TRHDE: variants seen among roughly 807,000 people sequenced by gnomAD.
The protein encoded by TRHDE is thyrotropin releasing hormone degrading enzyme.
Under a neutral mutation model 125.7 loss-of-function variants are expected in TRHDE, and 72 were observed. The observed-to-expected ratio is 0.57, with a 90% CI of 0.47 to 0.70. TRHDE has a LOEUF of 0.70. Among genes scored for constraint, TRHDE ranks in the 30% least tolerant of loss-of-function variants. The pLI is 0.00. For synonymous variants in TRHDE, 509 were observed against 509.1 expected (o/e 1.00, Z 0.00); for missense variants, 1,110 against 1,327.1 (o/e 0.84, Z 2.54).
At chr12:72,314,164 C>T (rs1156796639) in intron 2 of TRHDE, among the ~76,000 whole-genome samples, 1 of 152,136 alleles carries the variant, frequency 6.6e-6, no homozygotes. Flanking sequence ...CAGTTCTTGA[C>T]AAAAATATCT....
chr12:72,439,665 A>C (rs915662014), intron 3 of TRHDE, among the ~76,000 whole-genome samples: 22 of 151,828 alleles, frequency 1.4e-4, no homozygotes, highest in Admixed American at 1.3e-3. Context: ...AGGGCTTTCT[A>C]TATATATGAT....
At chr12:72,266,168 C>G (rs1178130341) in intron 2 of TRHDE, among the ~76,000 whole-genome samples, 4 of 151,882 alleles carry the variant, frequency 2.6e-5, no homozygotes, top group Non-Finnish European at 5.9e-5. Flanking sequence ...GACAGAAAAA[C>G]ATATATGGAC....
chr12:72,331,564 G>A (rs528129625), intron 2 of TRHDE, among the ~76,000 whole-genome samples: 1 of 152,286 alleles, frequency 6.6e-6, no homozygotes, highest in South Asian at 2.1e-4. Flanking sequence ...AGACCTCCTG[G>A]GAAGGGTGGC....
chr12:72,349,551 T>A (rs12305161), intron 2 of TRHDE, among the ~76,000 whole-genome samples: 1 of 151,546 alleles, frequency 6.6e-6, no homozygotes, highest in Admixed American at 6.6e-5. Flanking sequence ...TGCCTTTTTT[T>A]GGGCGGGGGG....
At chr12:72,437,027 C>G (rs1162793016) in intron 3 of TRHDE, among the ~76,000 whole-genome samples, 1 of 151,716 alleles carries the variant, frequency 6.6e-6, no homozygotes, top group Admixed American at 6.6e-5. Context: ...TCTATATCCC[C>G]TTATATTTGA....
chr12:72,235,250 T>C (rs1320163427), intron 2 of TRHDE, among the ~76,000 whole-genome samples: 4 of 152,184 alleles, frequency 2.6e-5, no homozygotes, highest in Non-Finnish European at 4.4e-5. Flanking sequence ...TGAGGTTTAT[T>C]TTATTGATCC....
chr12:72,384,977 G>T (rs78001711), intron 3 of TRHDE, among the ~76,000 whole-genome samples: 3,427 of 152,056 alleles, frequency 0.023, 124 homozygotes, highest in African/African-American at 0.078. Flanking sequence ...AATTTGAGGT[G>T]ACACTTATGT....
chr12:72,115,211 C>G (rs954047681), intron 2 of TRHDE, among the ~76,000 whole-genome samples: 17 of 149,608 alleles, frequency 1.1e-4, no homozygotes, highest in African/African-American at 3.7e-4. Context: ...GTAACCCTTA[C>G]CATTCCTTCT....
At chr12:72,619,129 T>C in intron 13 of TRHDE, 91 bp downstream of exon 13, 1 of 1,001,638 alleles carries the variant, frequency 1.0e-6, no homozygotes, top group Non-Finnish European at 1.4e-6. Context: ...TGCCAAGTTA[T>C]TTTAGTTTGT....
At chr12:72,379,291 A>T (rs988378936) in intron 3 of TRHDE, among the ~76,000 whole-genome samples, 4 of 152,222 alleles carry the variant, frequency 2.6e-5, no homozygotes, top group African/African-American at 9.6e-5. Flanking sequence ...CAAAATTCTG[A>T]AATCTTTTTG....
At chr12:72,376,938 AAT>A (rs1254212811) in intron 2 of TRHDE, among the ~76,000 whole-genome samples, 5 of 152,064 alleles carry the variant, frequency 3.3e-5, no homozygotes, top group African/African-American at 1.2e-4. Context: ...GATTGGAAGT[AAT>A]ATGTTTTAGA....
intron 2 of TRHDE, among the ~76,000 whole-genome samples, chr12:72,327,999 C>T (rs140664519): frequency 4.5e-4 from 68 of 152,268 alleles, no homozygotes; most frequent in East Asian, 1.9e-4. Flanking sequence ...CTAATTAACA[C>T]CAGTCACTTG....
intron 2 of TRHDE, chr12:72,257,715 C>T (rs914363432): frequency 9.9e-5 from 15 of 152,116 alleles, no homozygotes; most frequent in African/African-American, 3.4e-4. Context: ...GAATTTAGAT[C>T]TTCTAAAGTT....
intron 7 of TRHDE, among the ~76,000 whole-genome samples, chr12:72,556,653 G>C (rs1592533696): frequency 6.6e-6 from 1 of 152,204 alleles, no homozygotes; most frequent in Non-Finnish European, 1.5e-5. Flanking sequence ...GGGAGGCAGA[G>C]ATTTTGCCTT....
At chr12:72,153,941 TG>T (rs1876435106) in intron 2 of TRHDE, among the ~76,000 whole-genome samples, 2 of 152,200 alleles carry the variant, frequency 1.3e-5, no homozygotes, top group Admixed American at 6.5e-5. Flanking sequence ...GTTCAGTTCC[TG>T]GATATCCTTG....
chr12:72,576,334 G>A lies in TRHDE; in HGVS notation c.2321+792G>A, dbSNP rs1452457338. ...TCTTCTAAGATAATCAGGGGAAACT[G>A]GTTAGTTAGTAGTGCTGATATTAAC... On this transcript the variant is annotated intron_variant, in intron 12 of 18. Coordinates refer to ENST00000261180, the MANE Select transcript of TRHDE (RefSeq NM_013381.3). Among the ~76,000 whole-genome samples, 3 of 152,038 alleles carry A rather than the reference G, an allele frequency of 2.0e-5. No homozygotes were observed. The East Asian group carries it at 5.8e-4, about 29-fold the overall frequency.
At chr12:72,601,930 A>G (rs1409889150) in intron 12 of TRHDE, among the ~76,000 whole-genome samples, 10 of 152,140 alleles carry the variant, frequency 6.6e-5, no homozygotes, top group Admixed American at 5.9e-4. Flanking sequence ...ATCTCTGTAC[A>G]TGGTAACAAA....
At chr12:72,143,782 A>G (rs543436763) in intron 2 of TRHDE, among the ~76,000 whole-genome samples, 14 of 152,192 alleles carry the variant, frequency 9.2e-5, no homozygotes, top group South Asian at 8.3e-4. Context: ...ATGTATAACT[A>G]GAGGGTTAGG....
At chr12:72,589,506 A>G (rs1871581411) in intron 12 of TRHDE, among the ~76,000 whole-genome samples, 1 of 152,126 alleles carries the variant, frequency 6.6e-6, no homozygotes, top group Non-Finnish European at 1.5e-5. Flanking sequence ...TTTACCATAC[A>G]TATTTGATAA....
Sources: allele counts gnomAD v4.1 joint callset (sites outside exome capture counted in the v4.1 genomes callset), GRCh38; gene constraint gnomAD v4.1.1; transcripts MANE v1.5; gene names NCBI Gene and HGNC (gene_info 2026-07-23, HGNC 2026-07-21).